FAM187B: variants seen among roughly 807,000 people sequenced by gnomAD.
FAM187B encodes protein FAM187B.
In FAM187B, 22 loss-of-function variants were observed where a neutral mutation model predicts 22.6. The observed-to-expected ratio is 0.97, with a 90% CI of 0.70 to 1.39. The LOEUF is 1.39. FAM187B is among the 40% of genes most tolerant of loss of function. The probability of loss-of-function intolerance (pLI) is 0.00; values close to 1 mark genes in which losing one functional copy is unlikely to be tolerated. For synonymous variants in FAM187B, 192 were observed against 201.8 expected (o/e 0.95, Z 0.41); for missense variants, 433 against 462.1 (o/e 0.94, Z 0.58).
At chr19:35,225,657 T>A (rs930099180) in intron 1 of FAM187B, among the ~76,000 whole-genome samples, 1 of 151,728 alleles carries the variant, frequency 6.6e-6, no homozygotes, top group Non-Finnish European at 1.5e-5. Context: ...TGCAAAAATT[T>A]AAAAAATTAG....
At chr19:35,226,029 T>C (rs564573352) in intron 1 of FAM187B, among the ~76,000 whole-genome samples, 1 of 152,282 alleles carries the variant, frequency 6.6e-6, no homozygotes, top group East Asian at 1.9e-4. Flanking sequence ...GCCCTGGCTG[T>C]TCCCTCTGTC....
intron 1 of FAM187B, 52 bp from the exon 2 acceptor site, chr19:35,225,264 C>T (rs949293499): frequency 3.3e-5 from 48 of 1,441,154 alleles, no homozygotes; most frequent in Non-Finnish European, 4.2e-5. Context: ...GAGGGACCGA[C>T]GTCTCCCTGA....
In FAM187B at chr19:35,226,956, G is replaced by A. The variant is rs1279483141; in HGVS notation, c.722+1003C>T. ...GGTGGGCCCTCAATCCCATCTGACC[G>A]GTGTCCTTTTAAGAAAAGGAAAAGA... is the stretch of plus-strand genomic sequence containing the variant. On this transcript the variant is annotated intron_variant, in intron 1 of 1. Coordinates refer to ENST00000324675, the MANE Select transcript of FAM187B (RefSeq NM_152481.2). 2.6e-5 allele frequency among the ~76,000 whole-genome samples: 4 copies of A among 152,116 alleles called. 1 individual carries two copies. Among genetic ancestry groups the A allele is most frequent in the South Asian group, 2.1e-4 (1 of 4,818 alleles).
At position 35,224,814 on chromosome 19, in the gene FAM187B, G is replaced by A. The variant is rs768905106; in HGVS notation, c.*11C>T. On this transcript the variant is annotated 3_prime_UTR_variant, in exon 2 of 2. Coordinates refer to ENST00000324675, the MANE Select transcript of FAM187B (RefSeq NM_152481.2). ...CGGAGGCCGGGTCCGCTTGTGCACC[G>A]GGGGCTCGCTTTATTTCACCACCAG... is the stretch of plus-strand genomic sequence containing the variant. 3.8e-6 allele frequency: 6 copies of A among 1,592,488 alleles called. No homozygotes were observed. In the African/African-American group the frequency reaches 4.0e-5, roughly 11 times the overall value.
intron 1 of FAM187B, among the ~76,000 whole-genome samples, chr19:35,226,182 G>C (rs771153754): frequency 6.6e-6 from 1 of 151,948 alleles, no homozygotes; most frequent in African/African-American, 2.4e-5. Flanking sequence ...AAATACTATA[G>C]GTCGGGCACA....
intron 1 of FAM187B, 86 bp downstream of exon 1, chr19:35,227,872 GC>G: frequency 6.6e-7 from 1 of 1,519,218 alleles, no homozygotes; most frequent in East Asian, 2.3e-5. Flanking sequence ...TGCAAAGAAC[GC>G]CCACTCATCC....
rs369182374 is a variant in FAM187B at position 35,225,182 on chromosome 19, G to T, written c.753C>A (p.Pro251=). 1 of 1,519,226 alleles carries T rather than the reference G, an allele frequency of 6.6e-7. No individual in the cohort carries two copies. The highest frequency in any genetic ancestry group is 1.8e-4 in the Middle Eastern group (1 of 5,652). The allele number at this position is 1,519,226 out of a possible 1,614,324, so 94.1% of individuals were successfully genotyped here. ...RPVNWRANDT[P]LTWESQLSGQ... ...CGGAGAGCTGGCTCTCCCACGTCAG[G>T]GGGGTGTCGTTGGCACGCCAGTTGA... Residue 251 remains proline (P), a synonymous_variant, in exon 2 of 2, where the codon CCC becomes CCA. Coordinates refer to ENST00000324675, the MANE Select transcript of FAM187B (RefSeq NM_152481.2).
Position 35,228,100 on chromosome 19 carries a change from G to T in FAM187B, c.581C>A (p.Pro194His). 6.2e-7 allele frequency: 1 copy of T among 1,614,242 alleles called. No homozygotes were observed. Among genetic ancestry groups the T allele is most frequent in the East Asian group, 2.2e-5 (1 of 44,874 alleles). Residue 194 changes from proline to histidine, a missense_variant, in exon 1 of 2, where the codon CCT becomes CAT. By Grantham distance (77) the Pro-to-His change is moderately conservative. Transcript: ENST00000324675. ...GTGGCAGGCTTCCACCTGCAGCTCA[G>T]GCCGCAAGCGGCTAGACCACACCAG... ...EVLVWSSRLRPELQVEACHVQ... is the reference protein window; with the variant it reads ...EVLVWSSRLRHELQVEACHVQ...
At position 35,228,453 on chromosome 19, in the gene FAM187B, G is replaced by C. The variant is rs146665895; in HGVS notation, c.228C>G (p.Pro76=). The change falls in exon 1 of 2, where the codon CCC becomes CCG. Residue 76 remains proline (P), a synonymous_variant. Transcript: ENST00000324675. ...LTNISNMEIM[P]EGSLLIKDPL... ...GATCTTTAATGAGAAGGCTGCCCTC[G>C]GGCATTATTTCCATATTGGAAATAT... is the stretch of plus-strand genomic sequence containing the variant. The C allele has an allele frequency of 2.5e-6, 4 of 1,614,156 alleles. No homozygotes were observed. The highest frequency in any genetic ancestry group is 3.3e-5 in the Admixed American group (2 of 60,026).
intron 1 of FAM187B, among the ~76,000 whole-genome samples, chr19:35,225,466 G>C (rs1392096590): frequency 5.3e-5 from 8 of 152,218 alleles, no homozygotes; most frequent in African/African-American, 1.4e-4. Context: ...TACTGGCTGG[G>C]TGACCTGGGC....
In FAM187B at chr19:35,228,334, A is replaced by C; in HGVS notation, c.347T>G (p.Leu116Arg). ...ACCCAGGTCCTTGTGTGTTATATGC[A>C]GGGTGGTGACATCCTGAAAGTCAAT... ...YEIDFQDVTT[L>R]HITHKDLGQR... Residue 116 changes from leucine to arginine, a missense_variant, in exon 1 of 2, where the codon CTG becomes CGG. Physicochemically the swap from Leu to Arg is moderately radical, Grantham distance 102. Transcript: ENST00000324675. 6.2e-7 allele frequency: 1 copy of C among 1,614,004 alleles called. No homozygotes were observed. The highest frequency in any genetic ancestry group is 8.5e-7 in the Non-Finnish European group (1 of 1,180,044).
intron 1 of FAM187B, among the ~76,000 whole-genome samples, chr19:35,227,275 A>C (rs774783481): frequency 3.9e-5 from 6 of 152,022 alleles, no homozygotes; most frequent in Non-Finnish European, 7.4e-5. Context: ...GCTGGAGTGC[A>C]GTGGTGTGAT....
Position 35,228,705 on chromosome 19 carries a change from G to A in FAM187B, c.-25C>T. 6.3e-7 allele frequency: 1 copy of A among 1,582,340 alleles called. No individual in the cohort carries two copies. The highest frequency in any genetic ancestry group is 1.2e-5 in the South Asian group (1 of 86,172). ...TGGTGGACTGGGGCTGTGGCAGTGG[G>A]CTGGTGCCACCCCGAACATTGTGAG... On this transcript the variant is annotated 5_prime_UTR_variant, in exon 1 of 2. Coordinates refer to ENST00000324675, the MANE Select transcript of FAM187B (RefSeq NM_152481.2).
At chr19:35,227,758 C>A (rs1806061428) in intron 1 of FAM187B, among the ~76,000 whole-genome samples, 1 of 152,228 alleles carries the variant, frequency 6.6e-6, no homozygotes, top group South Asian at 2.1e-4. Context: ...ATCTGTCTGC[C>A]TGGGCTTCTC....
intron 1 of FAM187B, among the ~76,000 whole-genome samples, chr19:35,227,611 G>A (rs530721514): frequency 6.6e-6 from 1 of 152,296 alleles, no homozygotes; most frequent in Non-Finnish European, 1.5e-5. Context: ...GAAGATGAGT[G>A]TGAGTTCTGG....
intron 1 of FAM187B, among the ~76,000 whole-genome samples, chr19:35,226,505 C>T (rs763485207): frequency 1.1e-4 from 17 of 152,236 alleles, no homozygotes; most frequent in South Asian, 8.3e-4. Flanking sequence ...TATATTTATG[C>T]GCCACAAGGG....
rs200693450 is a variant in FAM187B, at chr19:35,224,819, C to A, written c.*6G>T. ...GCCGGGTCCGCTTGTGCACCGGGGG[C>A]TCGCTTTATTTCACCACCAGCACCT... On this transcript the variant is annotated 3_prime_UTR_variant, in exon 2 of 2. Transcript: ENST00000324675. 6.8e-3 allele frequency: 10,825 copies of A among 1,598,630 alleles called. 51 individuals carry two copies. Among genetic ancestry groups the A allele is most frequent in the Middle Eastern group, 0.011 (64 of 5,954 alleles).
In FAM187B at chr19:35,228,518, A is replaced by T. The variant is rs2065669249; in HGVS notation, c.163T>A (p.Phe55Ile). 1 of 1,614,202 alleles carries T rather than the reference A, an allele frequency of 6.2e-7. No homozygotes were observed. The highest frequency in any genetic ancestry group is 8.5e-7 in the Non-Finnish European group (1 of 1,180,046). The part of the protein sequence containing the change: ...NSSGAHWYYL[F>I]TQGKKGRLTS... Reference sequence around the variant, plus strand: ...AGCCTGCCCTTCTTGCCTTGTGTGAATAAATAGTACCAGTGCGCCCCCGAG... The same window carrying T: ...AGCCTGCCCTTCTTGCCTTGTGTGATTAAATAGTACCAGTGCGCCCCCGAG... Residue 55 changes from phenylalanine to isoleucine, a missense_variant, in exon 1 of 2, where the codon TTC (phenylalanine) becomes ATC (isoleucine). Physicochemically the swap from Phe to Ile is conservative, Grantham distance 21. Coordinates refer to ENST00000324675, the MANE Select transcript of FAM187B (RefSeq NM_152481.2).
intron 1 of FAM187B, among the ~76,000 whole-genome samples, chr19:35,227,030 C>T (rs569853719): frequency 1.5e-3 from 230 of 152,130 alleles, no homozygotes; most frequent in Non-Finnish European, 2.3e-3. Flanking sequence ...ATGATGGAGG[C>T]GGGCATTGGA....
Sources: gnomAD v4.1 joint callset for allele counts (sites outside exome capture counted in the v4.1 genomes callset) on GRCh38, gnomAD v4.1.1 for gene constraint, MANE v1.5 for transcripts, NCBI Gene and HGNC (gene_info 2026-07-23, HGNC 2026-07-21) for gene names.